ATG7: variants seen among roughly 807,000 people sequenced by gnomAD.
ATG7 encodes ubiquitin-like modifier-activating enzyme ATG7.
A neutral mutation model predicts 82.4 loss-of-function variants in ATG7; 70 were observed. The observed-to-expected ratio is 0.85, with a 90% confidence interval of 0.70 to 1.04. ATG7 has a LOEUF of 1.04. ATG7 is among the 50% of genes least tolerant of loss of function. ATG7 has a pLI of 0.00. For missense variants in ATG7, 792 were observed against 864.3 expected, an observed-to-expected ratio of 0.92 and a Z score of 1.05; for synonymous variants, 287 against 313.0, an observed-to-expected ratio of 0.92 and a Z score of 0.88.
At chr3:11,287,615 C>T (rs535647357) in intron 3 of ATG7, among the ~76,000 whole-genome samples, 22 of 152,304 alleles carry the variant, frequency 1.4e-4, no homozygotes, top group Admixed American at 6.5e-4. Flanking sequence ...GCAGTCTTTC[C>T]GGAACGTTAT....
At chr3:11,558,432 G>T, downstream of ATG7, 1 of 1,393,692 alleles carries the variant, frequency 7.2e-7, no homozygotes, top group Non-Finnish European at 9.5e-7. Context: ...CATGGTTTTT[G>T]CAAATAAACC....
chr3:11,448,635 G>T (rs1358305084), intron 20 of ATG7, among the ~76,000 whole-genome samples: 1 of 152,240 alleles, frequency 6.6e-6, no homozygotes, highest in South Asian at 2.1e-4. Flanking sequence ...TTATTTGACT[G>T]AAGAGAATGA....
intron 20 of ATG7, among the ~76,000 whole-genome samples, chr3:11,528,268 A>AG (rs1307245235): frequency 1.3e-5 from 2 of 152,228 alleles, no homozygotes; most frequent in Non-Finnish European, 2.9e-5. Flanking sequence ...TAAATCAGCA[A>AG]GGAGCAGCCC....
At chr3:11,311,295 TAA>T (rs1948621225) in intron 7 of ATG7, among the ~76,000 whole-genome samples, 1 of 152,168 alleles carries the variant, frequency 6.6e-6, no homozygotes, top group Admixed American at 6.5e-5. Flanking sequence ...AATGACCTGA[TAA>T]AGTTTCTTAG....
chr3:11,546,162 A>AT (rs36042370), intron 20 of ATG7, among the ~76,000 whole-genome samples: 20,427 of 68,884 alleles, frequency 0.3, 5,623 homozygotes, highest in Non-Finnish European at 0.4. Flanking sequence ...CCAAAACTGG[A>AT]TTTTTTTTTT....
intron 15 of ATG7, among the ~76,000 whole-genome samples, chr3:11,359,312 T>G (rs1347961391): frequency 6.6e-6 from 1 of 152,172 alleles, no homozygotes; most frequent in African/African-American, 2.4e-5. Context: ...AGTGTGTTTA[T>G]TCTTATTTTT....
chr3:11,295,870 T>A (rs1445169995), intron 3 of ATG7, among the ~76,000 whole-genome samples: 2 of 151,158 alleles, frequency 1.3e-5, no homozygotes, highest in Non-Finnish European at 2.9e-5. Flanking sequence ...CACTGCAACC[T>A]CTGTCTCCTG....
chr3:11,286,571 C>T (rs796319144), intron 3 of ATG7, among the ~76,000 whole-genome samples: 63 of 65,046 alleles, frequency 9.7e-4, no homozygotes, highest in East Asian at 2.7e-3. Context: ...CTTTTCTTTT[C>T]TTTCTTTCTT....
chr3:11,375,761 T>C lies in ATG7; in HGVS notation c.1876-4211T>C, dbSNP rs560147939. ...TTTTACTAGAGATGGGGTTTCACCA[T>C]GTTTGCCAGGCTGGTCTTGAATTCC... is the stretch of plus-strand genomic sequence containing the variant. On this transcript the variant is annotated intron_variant, in intron 18 of 20. Transcript: ENST00000693202. Among the ~76,000 whole-genome samples, 19 of 152,336 alleles carry C rather than the reference T, an allele frequency of 1.2e-4. No homozygotes were observed. In the South Asian group the frequency reaches 3.5e-3, roughly 28 times the overall value.
chr3:11,333,051 A>G lies in ATG7; in HGVS notation c.847A>G (p.Ile283Val), dbSNP rs779023889. Residue 283 changes from isoleucine (I) to valine (V), a missense_variant, in exon 11 of 21, where the codon ATC (isoleucine) becomes GTC (valine). Physicochemically the swap from Ile to Val is conservative, Grantham distance 29. Transcript: ENST00000693202. ...GGGGGCGAGAGACGTTGCCCACAGC[A>G]TCATCTTCGAAGTGAAGCTTCCAGA... ...MQGARDVAHS[I>V]IFEVKLPEMA... 12 of 1,569,026 alleles carry G rather than the reference A, an allele frequency of 7.6e-6. No homozygotes were observed. The highest frequency in any genetic ancestry group is 3.4e-4 in the Middle Eastern group (2 of 5,896).
chr3:11,566,190 A>T, the ATG7 span, among the ~76,000 whole-genome samples: 1 of 152,166 alleles, frequency 6.6e-6, no homozygotes, highest in Non-Finnish European at 1.5e-5. Context: ...GCATGCACAC[A>T]GAATGTTACA....
In ATG7 at chr3:11,499,773, A is replaced by T. The variant is rs375646809; in HGVS notation, c.2080-55038A>T. On this transcript the variant is annotated intron_variant, in intron 20 of 20. Coordinates refer to ENST00000693202, the MANE Select transcript of ATG7 (RefSeq NM_001349232.2). The stretch of plus-strand genomic sequence containing the variant: ...AAAAAAAAAAAAAAAAGAAACAAAA[A>T]ATCTAAAATATCCCATGGTGCAGAT... Among the ~76,000 whole-genome samples, 108 of 151,930 alleles carry T rather than the reference A, an allele frequency of 7.1e-4. 1 individual carries two copies. The highest frequency in any genetic ancestry group is 2.5e-3 in the African/African-American group (105 of 41,450).
chr3:11,519,539 GT>G (rs574523805), intron 20 of ATG7, among the ~76,000 whole-genome samples: 754 of 62,206 alleles, frequency 0.012, 17 homozygotes, highest in Middle Eastern at 0.061. Flanking sequence ...AGTGAGAGGA[GT>G]TTTTTTTTTT....
At chr3:11,525,915 A>C (rs2092568022) in intron 20 of ATG7, among the ~76,000 whole-genome samples, 1 of 152,096 alleles carries the variant, frequency 6.6e-6, no homozygotes, top group African/African-American at 2.4e-5. Flanking sequence ...TGTCACCTTT[A>C]ATTCCTCATG....
the ATG7 span, among the ~76,000 whole-genome samples, chr3:11,564,408 C>CT: frequency 1.3e-5 from 2 of 151,306 alleles, no homozygotes; most frequent in Non-Finnish European, 2.9e-5. Flanking sequence ...ACGTAGGACC[C>CT]CCCCACCCGA....
the ATG7 span, among the ~76,000 whole-genome samples, chr3:11,571,187 G>A: frequency 9.9e-5 from 15 of 152,246 alleles, no homozygotes; most frequent in South Asian, 2.1e-4. Flanking sequence ...CTTCAATAGC[G>A]GGGTCCATCC....
At chr3:11,440,673 G>GTTTTTTTTT (rs2083836620) in intron 20 of ATG7, among the ~76,000 whole-genome samples, 1 of 32,708 alleles carries the variant, frequency 3.1e-5, no homozygotes, top group Non-Finnish European at 5.6e-5. Context: ...GTCCCCATTT[G>GTTTTTTTTT]CTTTTTTTTT....
chr3:11,550,956 C>T (rs1459285853), intron 20 of ATG7, among the ~76,000 whole-genome samples: 1 of 151,682 alleles, frequency 6.6e-6, no homozygotes, highest in Admixed American at 6.6e-5. Context: ...GATTTTTATC[C>T]CATTTGGAGT....
At chr3:11,331,242 C>A in intron 9 of ATG7, 98 bp from the exon 10 acceptor site, 1 of 983,620 alleles carries the variant, frequency 1.0e-6, no homozygotes, top group Non-Finnish European at 1.6e-6. Flanking sequence ...TAAGGCTTTG[C>A]AGAAAGCATA....
Sources: allele counts gnomAD v4.1 joint callset (sites outside exome capture counted in the v4.1 genomes callset), GRCh38; gene constraint gnomAD v4.1.1; transcripts MANE v1.5; gene names NCBI Gene and HGNC (gene_info 2026-07-23, HGNC 2026-07-21).